Variants in TFCP2 observed in about 807,000 individuals in gnomAD.
TFCP2 encodes alpha-globin transcription factor CP2.
A neutral mutation model predicts 73.4 loss-of-function variants in TFCP2; 33 were observed. The ratio of observed to expected loss-of-function variants is 0.45; its 90% CI spans 0.34 to 0.60. The LOEUF (loss-of-function observed/expected upper bound fraction) is 0.60. Among genes scored for constraint, TFCP2 ranks in the 20% least tolerant of loss-of-function variants. The pLI is 0.01. For synonymous variants in TFCP2, 193 were observed against 211.6 expected (o/e 0.91, Z 0.76); for missense variants, 352 against 604.0 (o/e 0.58, Z 4.37).
At chr12:51,105,137 A>C (rs1940199463) in intron 8 of TFCP2, among the ~76,000 whole-genome samples, 1 of 147,744 alleles carries the variant, frequency 6.8e-6, no homozygotes, top group Non-Finnish European at 1.5e-5. Flanking sequence ...TCGTTTGCCC[A>C]GGCTGGAGCG....
intron 1 of TFCP2, among the ~76,000 whole-genome samples, chr12:51,121,069 G>A (rs1221232998): frequency 6.6e-6 from 1 of 151,872 alleles, no homozygotes; most frequent in East Asian, 1.9e-4. Context: ...ATAGGCCACA[G>A]AGTACTTCTG....
At chr12:51,116,282 G>T in intron 4 of TFCP2, 33 bp downstream of exon 4, 10 of 1,280,180 alleles carry the variant, frequency 7.8e-6, no homozygotes, top group Non-Finnish European at 1.1e-5. Flanking sequence ...ATAGCTAAAG[G>T]CATTTCCTAG....
chr12:51,169,166 A>G (rs1941810747), intron 1 of TFCP2, among the ~76,000 whole-genome samples: 1 of 152,184 alleles, frequency 6.6e-6, no homozygotes, highest in African/African-American at 2.4e-5. Flanking sequence ...GAAGACCAAT[A>G]TCTAATTAAC....
chr12:51,168,994 G>A (rs1417314166), intron 1 of TFCP2, among the ~76,000 whole-genome samples: 1 of 151,526 alleles, frequency 6.6e-6, no homozygotes, highest in Admixed American at 6.6e-5. Context: ...TAGAGACAGG[G>A]TTTCACCACG....
Position 51,098,787 on chromosome 12 carries a change from T to G in TFCP2, c.1408A>C (p.Ile470Leu). ...KQGPTGIHVL[I>L]SDEMIQNFQE... ...ACTGAAAAATCTACCTCATCACTGA[T>G]GAGCACATGAATTCCTGTTGGCCCC... Residue 470 changes from isoleucine to leucine, a missense_variant, in exon 13 of 15, where the codon ATC becomes CTC. By Grantham distance (5) the Ile-to-Leu change is conservative. Around this residue, in one of 6 missense-constraint regions of TFCP2, gnomAD observed 194 missense variants for 256.3 expected, o/e 0.76. Transcript: ENST00000257915. 6.2e-7 allele frequency: 1 copy of G among 1,614,162 alleles called. No individual in the cohort carries two copies. The highest frequency in any genetic ancestry group is 1.1e-5 in the South Asian group (1 of 91,082).
chr12:51,155,857 C>A (rs1941524251), intron 1 of TFCP2, among the ~76,000 whole-genome samples: 1 of 152,122 alleles, frequency 6.6e-6, no homozygotes, highest in Non-Finnish European at 1.5e-5. Context: ...GCCTGGCCAA[C>A]ATGGCAAAGC....
chr12:51,143,615 T>A (rs1436499581), intron 1 of TFCP2, among the ~76,000 whole-genome samples: 1 of 152,104 alleles, frequency 6.6e-6, no homozygotes, highest in African/African-American at 2.4e-5. Flanking sequence ...ACTCATTTAA[T>A]CTTCATAACA....
intron 1 of TFCP2, among the ~76,000 whole-genome samples, chr12:51,159,204 AAAG>A (rs1213371945): frequency 6.6e-6 from 1 of 151,660 alleles, no homozygotes; most frequent in Non-Finnish European, 1.5e-5. Context: ...AGAAAAAAAA[AAAG>A]AAATCTACTG....
chr12:51,103,591 C>T, intron 10 of TFCP2, 79 bp downstream of exon 10: 1 of 1,061,840 alleles, frequency 9.4e-7, no homozygotes, highest in Non-Finnish European at 1.4e-6. Context: ...ACACACAACT[C>T]TCCCATGGAT....
At chr12:51,124,604 C>T (rs776817846) in intron 1 of TFCP2, 18 of 518,756 alleles carry the variant, frequency 3.5e-5, no homozygotes, top group South Asian at 7.6e-5. Context: ...GCCGGAGGAG[C>T]GGACTGCCCC....
rs1939890727 is a variant in TFCP2, at chr12:51,093,924, G to A, written c.*1317C>T. 2 of 149,574 alleles carry A rather than the reference G, an allele frequency of 1.3e-5. No homozygotes were observed. The highest frequency in any genetic ancestry group is 1.3e-4 in the Admixed American group (2 of 14,962). 9.3% of individuals were successfully genotyped at this position (149,574 alleles called of 1,614,324 possible). A position where few individuals can be genotyped will look rare whatever the true frequency, so the allele number is the denominator to read the frequency against. On this transcript the variant is annotated 3_prime_UTR_variant, in exon 15 of 15. Coordinates refer to ENST00000257915, the MANE Select transcript of TFCP2 (RefSeq NM_005653.5). ...GTGTACCTCAACATAACCTGTAAAA[G>A]TATTTCTAGATAAAACTTTACAAGT... is the stretch of plus-strand genomic sequence containing the variant.
chr12:51,108,363 G>C (rs1940307755), intron 6 of TFCP2, among the ~76,000 whole-genome samples: 1 of 152,106 alleles, frequency 6.6e-6, no homozygotes, highest in Non-Finnish European at 1.5e-5. Flanking sequence ...TCTGGGAAGA[G>C]GTTGTGGAGG....
intron 1 of TFCP2, among the ~76,000 whole-genome samples, chr12:51,126,078 C>T (rs943849852): frequency 5.9e-5 from 9 of 151,490 alleles, no homozygotes; most frequent in African/African-American, 2.2e-4. Context: ...AAAAAGACAA[C>T]AAAAATTAGC....
At chr12:51,163,605 AAAT>A (rs1941694457) in intron 1 of TFCP2, among the ~76,000 whole-genome samples, 1 of 151,670 alleles carries the variant, frequency 6.6e-6, no homozygotes, top group Non-Finnish European at 1.5e-5. Flanking sequence ...ATAAATAAAT[AAAT>A]AATAATAACA....
chr12:51,099,689 C>CT lies in TFCP2; in HGVS notation c.1241dup (p.His415AlafsTer2), dbSNP rs1249966965. The stretch of plus-strand genomic sequence containing the variant: ...TACCATTTGAGTCTCCATCCTCATG[C>CT]TTCTGCTGCTGTTGCTGCTGCTGTT... On this transcript the variant is annotated frameshift_variant, in exon 12 of 15. Coordinates refer to ENST00000257915, the MANE Select transcript of TFCP2 (RefSeq NM_005653.5). LOFTEE classifies it high-confidence loss of function. 1.2e-6 allele frequency: 2 copies of CT among 1,614,074 alleles called. No homozygotes were observed. Among genetic ancestry groups the CT allele is most frequent in the Non-Finnish European group, 1.7e-6 (2 of 1,180,046 alleles).
intron 1 of TFCP2, among the ~76,000 whole-genome samples, chr12:51,132,435 C>G (rs918541733): frequency 3.2e-5 from 4 of 125,696 alleles, no homozygotes; most frequent in African/African-American, 1.2e-4. Flanking sequence ...GTGGTGCCAT[C>G]TCGGCTCACT....
In TFCP2 at chr12:51,101,980, C is replaced by T; in HGVS notation, c.1106G>A (p.Cys369Tyr). ...AAGTCTGATTCCATCTGCAGGGCCA[C>T]AGATTTGGATCACATCATCTCTAGT... ...KLTRDDVIQI[C>Y]GPADGIRLFN... Residue 369 changes from cysteine (C) to tyrosine (Y), a missense_variant, in exon 11 of 15, where the codon TGT becomes TAT. Physicochemically the swap from Cys to Tyr is radical, Grantham distance 194. Coordinates refer to ENST00000257915, the MANE Select transcript of TFCP2 (RefSeq NM_005653.5). 1 of 1,613,470 alleles carries T rather than the reference C, an allele frequency of 6.2e-7. No individual in the cohort carries two copies. The highest frequency in any genetic ancestry group is 8.5e-7 in the Non-Finnish European group (1 of 1,179,544).
chr12:51,116,553 C>A, intron 3 of TFCP2, 133 bp from the exon 4 acceptor site: 1 of 458,572 alleles, frequency 2.2e-6, no homozygotes, highest in Non-Finnish European at 3.9e-6. Context: ...AGATCTGTTT[C>A]ACTCTAAAAC....
chr12:51,154,797 A>G, intron 1 of TFCP2, among the ~76,000 whole-genome samples: 1 of 152,176 alleles, frequency 6.6e-6, no homozygotes, highest in East Asian at 1.9e-4. Context: ...GGTAACTGAT[A>G]TCTCAGAAAG....
Sources: allele counts gnomAD v4.1 joint callset (sites outside exome capture counted in the v4.1 genomes callset), GRCh38; gene constraint gnomAD v4.1.1; regional missense constraint gnomAD v4.1.1; transcripts MANE v1.5; gene names NCBI Gene and HGNC (gene_info 2026-07-23, HGNC 2026-07-21).